The following USP36 variants were observed in gnomAD, a reference collection of about 807,000 sequenced individuals.
The protein encoded by USP36 is ubiquitin carboxyl-terminal hydrolase 36.
Under a neutral mutation model 111.5 loss-of-function variants are expected in USP36, and 59 were observed. The observed-to-expected ratio is 0.53, with a 90% CI of 0.43 to 0.66. The LOEUF (loss-of-function observed/expected upper bound fraction) is 0.66. Ranked by LOEUF, USP36 falls within the 30% of genes least tolerant of loss-of-function variation. The pLI is 0.00. For missense variants in USP36, 1,488 were observed against 1,468.0 expected (o/e 1.01, Z -0.22); for synonymous variants, 628 against 581.0 (o/e 1.08, Z -1.16).
chr17:78,818,615 G>C, intron 10 of USP36, 52 bp downstream of exon 10: 1 of 1,517,718 alleles, frequency 6.6e-7, no homozygotes, highest in Middle Eastern at 1.8e-4. Context: ...GTGTTATTCT[G>C]ATGCCGACTG....
At position 78,807,025 on chromosome 17, in the gene USP36, G is replaced by C; in HGVS notation, c.2019C>G (p.Thr673=). The change falls in exon 14 of 21, where the codon ACC becomes ACG. Residue 673 remains threonine (T), a synonymous_variant. Coordinates refer to ENST00000449938, the MANE Select transcript of USP36 (RefSeq NM_001385174.1). ...VKLKSPVLSN[T]TTEPASTMSP... ...ACATGGTGCTTGCAGGCTCAGTGGT[G>C]GTGTTGCTCAGGACAGGGGACTTCA... 6.2e-7 allele frequency: 1 copy of C among 1,614,216 alleles called. No homozygotes were observed. The highest frequency in any genetic ancestry group is 8.5e-7 in the Non-Finnish European group (1 of 1,180,046).
intron 2 of USP36, among the ~76,000 whole-genome samples, chr17:78,836,800 CACACACACACACACACACAAACGG>C (rs1190681632): frequency 1.9e-4 from 25 of 130,960 alleles, no homozygotes; most frequent in Admixed American, 6.3e-4. Context: ...CACACACGGA[CACACACACACACACACACAAACGG>C]ACACACACAC....
chr17:78,841,204 C>A (rs1465567197), upstream of USP36: 2 of 152,288 alleles, frequency 1.3e-5, no homozygotes, highest in African/African-American at 4.8e-5. Flanking sequence ...TTTGCCCACC[C>A]CTGCAACAGC....
At chr17:78,800,730 C>A (rs1464914046) in intron 17 of USP36, among the ~76,000 whole-genome samples, 1 of 152,222 alleles carries the variant, frequency 6.6e-6, no homozygotes, top group Admixed American at 6.5e-5. Context: ...GTGCACAGGA[C>A]TGCAAGAGCC....
At chr17:78,795,489 C>A (rs1424523129), downstream of USP36, among the ~76,000 whole-genome samples, 2 of 152,208 alleles carry the variant, frequency 1.3e-5, no homozygotes, top group African/African-American at 4.8e-5. The surrounding 1 kb of genome is among the most constrained non-coding windows in gnomAD (Gnocchi z 4.5). Context: ...CACCTATTCA[C>A]TAGGGCTGCT....
intron 10 of USP36, among the ~76,000 whole-genome samples, chr17:78,818,177 G>A (rs2094232111): frequency 6.6e-6 from 1 of 152,218 alleles, no homozygotes; most frequent in Non-Finnish European, 1.5e-5. Flanking sequence ...GCATGCAACG[G>A]CACCTGTTCT....
chr17:78,834,938 G>A (rs1301629931), intron 4 of USP36, among the ~76,000 whole-genome samples: 1 of 151,488 alleles, frequency 6.6e-6, no homozygotes, highest in African/African-American at 2.4e-5. Context: ...TTGTGATGGA[G>A]CCACTGCATT....
intron 10 of USP36, among the ~76,000 whole-genome samples, chr17:78,817,572 T>TG (rs1173569625): frequency 6.6e-6 from 1 of 151,282 alleles, no homozygotes; most frequent in Non-Finnish European, 1.5e-5. Flanking sequence ...CTGGCCACCA[T>TG]GGCAAAACCC....
chr17:78,808,942 AATGAAATTACAG>A (rs1416127924), intron 13 of USP36, among the ~76,000 whole-genome samples: 1 of 152,142 alleles, frequency 6.6e-6, no homozygotes, highest in African/African-American at 2.4e-5. Flanking sequence ...ATTTTCTGGA[AATGAAATTACAG>A]ATTTCATTTT....
chr17:78,789,236 C>T (rs2093562349), intron 3 of USP36, among the ~76,000 whole-genome samples: 2 of 145,382 alleles, frequency 1.4e-5, no homozygotes, highest in Non-Finnish European at 1.5e-5. Flanking sequence ...TGAGGTTTAG[C>T]TGGGCATGCC....
Position 78,807,008 on chromosome 17 carries a change from C to CT in USP36, c.2035dup (p.Ser679LysfsTer28). On this transcript the variant is annotated frameshift_variant, in exon 14 of 21. Transcript: ENST00000449938. LOFTEE classifies it high-confidence loss of function. ...TTTGGCTGGTGGAGGAGACATGGTGCTTGCAGGCTCAGTGGTGGTGTTGCT... is the reference window on the plus strand; with the variant it reads ...TTTGGCTGGTGGAGGAGACATGGTGCTTTGCAGGCTCAGTGGTGGTGTTGCT... 6.2e-7 allele frequency: 1 copy of CT among 1,614,238 alleles called. No individual in the cohort carries two copies. The highest frequency in any genetic ancestry group is 8.5e-7 in the Non-Finnish European group (1 of 1,180,038).
chr17:78,835,797 A>G lies in USP36; in HGVS notation c.254-296T>C, dbSNP rs1361300952. Among the ~76,000 whole-genome samples the G allele has an allele frequency of 2.0e-5, 3 of 152,230 alleles. No individual in the cohort carries two copies. The East Asian group carries it at 5.8e-4, about 29-fold the overall frequency. Reference sequence around the variant, plus strand: ...AGCCAGGCCTGGCACTCTGCACCACACTGTGCCCACATGCAGCCCACCCCA... The same window carrying G: ...AGCCAGGCCTGGCACTCTGCACCACGCTGTGCCCACATGCAGCCCACCCCA... On this transcript the variant is annotated intron_variant, in intron 3 of 20. Coordinates refer to ENST00000449938, the MANE Select transcript of USP36 (RefSeq NM_001385174.1).
chr17:78,818,447 A>C lies in USP36; in HGVS notation c.1023+220T>G, dbSNP rs552868457. Among the ~76,000 whole-genome samples, 16 of 152,320 alleles carry C rather than the reference A, an allele frequency of 1.1e-4. No individual in the cohort carries two copies. In the East Asian group the frequency reaches 2.9e-3, roughly 28 times the overall value. On this transcript the variant is annotated intron_variant, in intron 10 of 20. Coordinates refer to ENST00000449938, the MANE Select transcript of USP36 (RefSeq NM_001385174.1). ...ATAAACCCAGAAACGTCTATTTTTA[A>C]AAGGCGTCCCAGGTTGCTTCCCCTC...
chr17:78,818,594 T>A, intron 10 of USP36, 73 bp downstream of exon 10: 1 of 1,354,604 alleles, frequency 7.4e-7, no homozygotes, highest in East Asian at 2.3e-5. Context: ...CTCGTGGCTA[T>A]CACTTTCTTC....
chr17:78,804,470 A>C (rs1486049577), intron 15 of USP36, among the ~76,000 whole-genome samples: 6 of 129,914 alleles, frequency 4.6e-5, no homozygotes, highest in Admixed American at 2.6e-4. Context: ...AAAAAAAAAA[A>C]AAACCAAAAA....
chr17:78,791,211 C>G (rs531602457), downstream of USP36, among the ~76,000 whole-genome samples: 2 of 150,892 alleles, frequency 1.3e-5, no homozygotes, highest in East Asian at 3.9e-4. Context: ...CTCGGCTCAC[C>G]GCAACCTCCA....
intron 5 of USP36, 106 bp downstream of exon 5, chr17:78,828,791 G>T (rs2067811761): frequency 1.8e-6 from 2 of 1,136,776 alleles, no homozygotes; most frequent in African/African-American, 3.1e-5. Flanking sequence ...GACTGCTTAA[G>T]GCCAGGAATT....
At chr17:78,830,974 C>T (rs1470198669) in intron 4 of USP36, among the ~76,000 whole-genome samples, 1 of 151,858 alleles carries the variant, frequency 6.6e-6, no homozygotes, top group Non-Finnish European at 1.5e-5. Context: ...CGCCTGTAAT[C>T]CCAGCACTTT....
intron 13 of USP36, among the ~76,000 whole-genome samples, chr17:78,809,785 G>C (rs929141051): frequency 2.6e-5 from 4 of 152,026 alleles, no homozygotes; most frequent in African/African-American, 9.7e-5. Context: ...ACCACACCTG[G>C]CTAATTTTTG....
Sources: gnomAD v4.1 joint callset for allele counts (sites outside exome capture counted in the v4.1 genomes callset) on GRCh38, gnomAD v4.1.1 for gene constraint, Gnocchi (gnomAD v3.1) non-coding constraint, MANE v1.5 for transcripts, NCBI Gene and HGNC (gene_info 2026-07-23, HGNC 2026-07-21) for gene names.